ADAMTS3: variants seen among roughly 807,000 people sequenced by gnomAD.
The protein encoded by ADAMTS3 is A disintegrin and metalloproteinase with thrombospondin motifs 3.
Under a neutral mutation model 129.0 loss-of-function variants are expected in ADAMTS3, and 73 were observed. That is an observed-to-expected ratio of 0.57 (90% CI 0.47 to 0.69). The LOEUF is 0.69. Among genes scored for constraint, ADAMTS3 ranks in the 30% least tolerant of loss-of-function variants. The pLI is 0.00. For missense variants in ADAMTS3, 1,457 were observed against 1,514.5 expected (o/e 0.96, Z 0.63); for synonymous variants, 477 against 510.8 (o/e 0.93, Z 0.89).
At chr4:72,374,503 A>G (rs1216289039) in intron 4 of ADAMTS3, among the ~76,000 whole-genome samples, 2 of 152,212 alleles carry the variant, frequency 1.3e-5, no homozygotes, top group African/African-American at 4.8e-5. Context: ...AAGGAAGAAG[A>G]AAGCTATGAA....
chr4:72,474,118 A>T (rs1015253736), intron 3 of ADAMTS3, among the ~76,000 whole-genome samples: 1 of 152,240 alleles, frequency 6.6e-6, no homozygotes, highest in East Asian at 1.9e-4. Flanking sequence ...GGTTTAAATA[A>T]AATCCAGAGT....
At chr4:72,332,299 C>T (rs1386017460) in intron 5 of ADAMTS3, among the ~76,000 whole-genome samples, 4 of 152,200 alleles carry the variant, frequency 2.6e-5, no homozygotes, top group African/African-American at 7.2e-5. Context: ...ATATTTGCTG[C>T]TAACTCTTGA....
At chr4:72,498,001 AT>A (rs1051743334) in intron 3 of ADAMTS3, among the ~76,000 whole-genome samples, 2 of 152,034 alleles carry the variant, frequency 1.3e-5, no homozygotes, top group African/African-American at 4.8e-5. Flanking sequence ...ATCCACTGAA[AT>A]TTGGCCCTTA....
intron 2 of ADAMTS3, among the ~76,000 whole-genome samples, chr4:72,561,777 G>A (rs1721910441): frequency 6.6e-6 from 1 of 152,122 alleles, no homozygotes; most frequent in Non-Finnish European, 1.5e-5. Flanking sequence ...ATCACTTCAA[G>A]AGCAAGGTAT....
intron 4 of ADAMTS3, among the ~76,000 whole-genome samples, chr4:72,374,568 C>G (rs976762716): frequency 1.1e-4 from 16 of 151,930 alleles, no homozygotes; most frequent in Admixed American, 2.6e-4. Flanking sequence ...GAAAATAAAC[C>G]CTTCCATAAA....
chr4:72,306,039 AGG>A lies in ADAMTS3; in HGVS notation c.2206_2207del (p.Pro736TrpfsTer3). Reference protein sequence around the residue: ...LGYLKMFDIPPGARHVLIQED... With the variant: ...LGYLKMFDIPXGARHVLIQED... ...CTTGGATTAACACATGTCTAGCCCC[AGG>A]GGGTATATCAAACATCTTAAGGTAC... is the stretch of plus-strand genomic sequence containing the variant. On this transcript the variant is annotated frameshift_variant, in exon 16 of 22. Coordinates refer to ENST00000286657, the MANE Select transcript of ADAMTS3 (RefSeq NM_014243.3). LOFTEE classifies it high-confidence loss of function. The A allele has an allele frequency of 6.2e-7, 1 of 1,610,006 alleles. No homozygotes were observed. The highest frequency in any genetic ancestry group is 8.5e-7 in the Non-Finnish European group (1 of 1,178,204).
At chr4:72,333,732 C>T (rs770489695) in intron 5 of ADAMTS3, among the ~76,000 whole-genome samples, 9 of 152,224 alleles carry the variant, frequency 5.9e-5, no homozygotes, top group Admixed American at 2.6e-4. Flanking sequence ...GTTACTAAAA[C>T]GCATGCCCTT....
At chr4:72,474,023 T>A (rs1238279368) in intron 3 of ADAMTS3, among the ~76,000 whole-genome samples, 1 of 151,974 alleles carries the variant, frequency 6.6e-6, no homozygotes, top group African/African-American at 2.4e-5. Context: ...GAACACAAAC[T>A]TTTATCTACA....
chr4:72,348,688 G>A (rs890398710), intron 4 of ADAMTS3, among the ~76,000 whole-genome samples: 2 of 151,926 alleles, frequency 1.3e-5, no homozygotes, highest in African/African-American at 2.4e-5. Context: ...CTGGCTGTTG[G>A]CAGAAGGGAA....
At position 72,357,840 on chromosome 4, in the gene ADAMTS3, G is replaced by T. The variant is rs115158451; in HGVS notation, c.662-18147C>A. Among the ~76,000 whole-genome samples the T allele has an allele frequency of 6.3e-3, 965 of 152,018 alleles. 13 individuals carry two copies. The highest frequency in any genetic ancestry group is 0.022 in the African/African-American group (933 of 41,494). ...AAAAGTTACCAAAAATCCACAAAAA[G>T]ATTTAAATATAAATCTATTCTATCA... On this transcript the variant is annotated intron_variant, in intron 4 of 21. Coordinates refer to ENST00000286657, the MANE Select transcript of ADAMTS3 (RefSeq NM_014243.3).
chr4:72,557,365 C>T (rs1721793748), intron 2 of ADAMTS3, among the ~76,000 whole-genome samples: 1 of 151,782 alleles, frequency 6.6e-6, no homozygotes. Context: ...GAATGGTACA[C>T]ATCTTCCCTC....
rs531891825 is a variant in ADAMTS3 at position 72,569,139 on chromosome 4, C to G, written c.-377G>C. On this transcript the variant is annotated 5_prime_UTR_variant, in exon 1 of 22. Transcript: ENST00000286657. Reference sequence around the variant, plus strand: ...GAGCACCATTGGTCCCTAAGGTTAGCGCGGAGAATGCTTGGGTTCCCCGGA... The same window carrying G: ...GAGCACCATTGGTCCCTAAGGTTAGGGCGGAGAATGCTTGGGTTCCCCGGA... 2 of 225,330 alleles carry G rather than the reference C, an allele frequency of 8.9e-6. No individual in the cohort carries two copies. The allele number at this position is 225,330 out of a possible 1,614,324, so 14.0% of individuals were successfully genotyped here. A position where few individuals can be genotyped will look rare whatever the true frequency, so the allele number is the denominator to read the frequency against.
Position 72,533,553 on chromosome 4 carries a change from C to T in ADAMTS3, c.504+14925G>A, listed in dbSNP as rs116670319. On this transcript the variant is annotated intron_variant, in intron 3 of 21. Transcript: ENST00000286657. ...ATCATCAAGTACATAATTGCAGGTGCTATACTTTTGATGTGACTGGCAGCG... is the reference window on the plus strand; with the variant it reads ...ATCATCAAGTACATAATTGCAGGTGTTATACTTTTGATGTGACTGGCAGCG... 5.0e-3 allele frequency among the ~76,000 whole-genome samples: 379 copies of T among 75,392 alleles called. 2 individuals carry two copies. The highest frequency in any genetic ancestry group is 0.015 in the African/African-American group (341 of 23,320). The allele number at this position is 75,392 out of a possible 152,430, so 49.5% of individuals were successfully genotyped here.
intron 2 of ADAMTS3, among the ~76,000 whole-genome samples, chr4:72,550,484 T>C (rs1370310327): frequency 6.6e-6 from 1 of 152,206 alleles, no homozygotes; most frequent in African/African-American, 2.4e-5. Flanking sequence ...AAATTACCAA[T>C]GTATTTAAAT....
At chr4:72,522,834 TCAGA>T (rs932757207) in intron 3 of ADAMTS3, among the ~76,000 whole-genome samples, 2 of 152,138 alleles carry the variant, frequency 1.3e-5, no homozygotes, top group African/African-American at 4.8e-5. Flanking sequence ...TGCATTAACT[TCAGA>T]CAGTGTTTGA....
rs151285938 is a variant in ADAMTS3, at chr4:72,336,338, C to T, written c.861+3156G>A. ...CTATGTAGGCCTCAAGCCTGGTGAG[C>T]CATAATTTTAGATGACCATGAGAAA... On this transcript the variant is annotated intron_variant, in intron 5 of 21. Transcript: ENST00000286657. 8.1e-3 allele frequency among the ~76,000 whole-genome samples: 1,229 copies of T among 152,272 alleles called. 11 individuals carry two copies. Among genetic ancestry groups the T allele is most frequent in the Non-Finnish European group, 0.013 (874 of 68,002 alleles).
intron 20 of ADAMTS3, 54 bp from the exon 21 acceptor site, chr4:72,288,922 A>G (rs1175034881): frequency 1.3e-5 from 9 of 716,528 alleles, no homozygotes; most frequent in Non-Finnish European, 1.9e-5. Context: ...GACCATGCAC[A>G]TACACACACA....
intron 2 of ADAMTS3, among the ~76,000 whole-genome samples, chr4:72,565,896 T>C (rs563320414): frequency 2.0e-5 from 3 of 152,340 alleles, no homozygotes; most frequent in East Asian, 3.9e-4. Context: ...ATATATTTTA[T>C]GAAATTTTTT....
At chr4:72,397,048 G>A (rs1721742777) in intron 4 of ADAMTS3, among the ~76,000 whole-genome samples, 1 of 151,862 alleles carries the variant, frequency 6.6e-6, no homozygotes, top group African/African-American at 2.4e-5. Context: ...CCTCTCACCT[G>A]GATTAGTACT....
Sources: gnomAD v4.1 joint callset for allele counts (sites outside exome capture counted in the v4.1 genomes callset) on GRCh38, gnomAD v4.1.1 for gene constraint, MANE v1.5 for transcripts, NCBI Gene and HGNC (gene_info 2026-07-23, HGNC 2026-07-21) for gene names.